Variants in TICRR observed in about 807,000 individuals in gnomAD.
The protein encoded by TICRR is treslin.
In TICRR, 132 loss-of-function variants were observed where a neutral mutation model predicts 178.1. The observed-to-expected ratio is 0.74, with a 90% CI of 0.64 to 0.86. The LOEUF (loss-of-function observed/expected upper bound fraction) is 0.86, where lower values mean the gene tolerates loss of function less well. Ranked by LOEUF, TICRR falls within the 40% of genes least tolerant of loss-of-function variation. TICRR has a pLI of 0.00. For missense variants in TICRR, 2,587 were observed against 2,334.3 expected (o/e 1.11, Z -2.23); for synonymous variants, 991 against 900.7 (o/e 1.10, Z -1.79).
In TICRR at chr15:89,601,333, G is replaced by A; in HGVS notation, c.2189G>A (p.Cys730Tyr). ...QLQVFLRLEM[C>Y]LQCPSINEST... Reference sequence around the variant, plus strand: ...CAGGTATTTCTTCGTTTGGAGATGTGTCTGCAATGCCCTTCAATAAATGAA... The same window carrying A: ...CAGGTATTTCTTCGTTTGGAGATGTATCTGCAATGCCCTTCAATAAATGAA... Residue 730 changes from cysteine (C) to tyrosine (Y), a missense_variant, in exon 10 of 22, where the codon TGT (cysteine) becomes TAT (tyrosine). Transcript: ENST00000268138. 1.2e-6 allele frequency: 2 copies of A among 1,614,144 alleles called. No homozygotes were observed. Among genetic ancestry groups the A allele is most frequent in the Non-Finnish European group, 1.7e-6 (2 of 1,180,030 alleles).
intron 16 of TICRR, among the ~76,000 whole-genome samples, chr15:89,617,307 G>A (rs2141977306): frequency 6.6e-6 from 1 of 152,186 alleles, no homozygotes; most frequent in African/African-American, 2.4e-5. Context: ...GAAATTGGTG[G>A]GTCAGAGGCA....
At chr15:89,589,170 G>T (rs1962869569) in intron 4 of TICRR, among the ~76,000 whole-genome samples, 2 of 152,190 alleles carry the variant, frequency 1.3e-5, no homozygotes, top group South Asian at 4.1e-4. Flanking sequence ...GACGGAAGGA[G>T]CAGTGAGGAG....
In TICRR at chr15:89,576,096, C is replaced by G; in HGVS notation, c.510C>G (p.Phe170Leu). The G allele has an allele frequency of 1.2e-6, 2 of 1,611,868 alleles. No homozygotes were observed. Among genetic ancestry groups the G allele is most frequent in the Non-Finnish European group, 1.7e-6 (2 of 1,179,934 alleles). Residue 170 changes from phenylalanine (F) to leucine (L), a missense_variant, in exon 1 of 22, where the codon TTC becomes TTG. Physicochemically the swap from Phe to Leu is conservative, Grantham distance 22 (BLOSUM62 0). Coordinates refer to ENST00000268138, the MANE Select transcript of TICRR (RefSeq NM_152259.4). ...ACTCGCAGAGGGAGCTGCTGCAGTT[C>G]GTGTCTGGGTGCGAGGCCCAGGCCC... ...CPHSQRELLQ[F>L]VSGCEAQAQR...
intron 13 of TICRR, among the ~76,000 whole-genome samples, chr15:89,605,351 T>G (rs372244616): frequency 3.2e-4 from 49 of 152,234 alleles, no homozygotes; most frequent in African/African-American, 9.9e-4. Context: ...GGATAGGAAA[T>G]TGGATGTATG....
chr15:89,622,944 T>C (rs149864536), intron 19 of TICRR, among the ~76,000 whole-genome samples: 10 of 152,284 alleles, frequency 6.6e-5, no homozygotes, highest in East Asian at 3.9e-4. Context: ...ACCAATCACA[T>C]TGTATTTTCA....
chr15:89,594,408 T>G lies in TICRR; in HGVS notation c.1542-7T>G, dbSNP rs1320911846. ...TTGGTTTTATTCTAGACATCTTGAC[T>G]TCACAGGTTACTACAGGCTGCCTCA... On this transcript the variant is annotated splice_polypyrimidine_tract_variant and splice_region_variant and intron_variant, in intron 5 of 21. Coordinates refer to ENST00000268138, the MANE Select transcript of TICRR (RefSeq NM_152259.4). 1.3e-6 allele frequency: 2 copies of G among 1,598,356 alleles called. No homozygotes were observed. Among genetic ancestry groups the G allele is most frequent in the Non-Finnish European group, 1.7e-6 (2 of 1,173,182 alleles).
intron 1 of TICRR, 63 bp from the exon 2 acceptor site, chr15:89,582,623 T>A: frequency 6.8e-7 from 1 of 1,475,388 alleles, no homozygotes; most frequent in South Asian, 1.3e-5. Context: ...CCTGATTTCC[T>A]TTACTTTTAT....
At chr15:89,581,335 A>C (rs746842651) in intron 1 of TICRR, among the ~76,000 whole-genome samples, 1 of 152,150 alleles carries the variant, frequency 6.6e-6, no homozygotes, top group African/African-American at 2.4e-5. Flanking sequence ...GCCACGTTAA[A>C]CATTTTATGT....
intron 21 of TICRR, among the ~76,000 whole-genome samples, chr15:89,626,384 A>G (rs1963526952): frequency 6.6e-6 from 1 of 152,220 alleles, no homozygotes; most frequent in African/African-American, 2.4e-5. Context: ...CACGAGTGAT[A>G]GGCCTGTTTA....
intron 19 of TICRR, among the ~76,000 whole-genome samples, chr15:89,621,996 T>TTTTC (rs1395151398): frequency 6.7e-6 from 1 of 148,472 alleles, no homozygotes; most frequent in East Asian, 1.9e-4. Flanking sequence ...TTTTTTTTTT[T>TTTTC]TTTTTTTGGA....
chr15:89,620,636 A>C (rs1963408004), intron 18 of TICRR, among the ~76,000 whole-genome samples: 1 of 129,104 alleles, frequency 7.7e-6, no homozygotes, highest in Non-Finnish European at 1.8e-5. Context: ...TGCTGACATA[A>C]ATAGGTGGGA....
intron 7 of TICRR, among the ~76,000 whole-genome samples, chr15:89,598,268 C>T (rs1024423119): frequency 9.2e-5 from 14 of 151,932 alleles, no homozygotes; most frequent in African/African-American, 2.7e-4. Flanking sequence ...CCACCACACC[C>T]GGCCCAGTTC....
Position 89,621,564 on chromosome 15 carries a change from G to A in TICRR, c.3312+14G>A, listed in dbSNP as rs1470117059. 1.3e-6 allele frequency: 2 copies of A among 1,599,658 alleles called. No homozygotes were observed. Among genetic ancestry groups the A allele is most frequent in the East Asian group, 2.2e-5 (1 of 44,784 alleles). On this transcript the variant is annotated intron_variant, in intron 19 of 21. Coordinates refer to ENST00000268138, the MANE Select transcript of TICRR (RefSeq NM_152259.4). ...GCAGCTTACCAGGTATAATGTTTCT[G>A]TAATGTTTGAAATAATATAATCTCC... is the stretch of plus-strand genomic sequence containing the variant.
intron 16 of TICRR, among the ~76,000 whole-genome samples, chr15:89,617,878 G>A (rs1963360783): frequency 6.6e-6 from 1 of 152,068 alleles, no homozygotes; most frequent in South Asian, 2.1e-4. Flanking sequence ...TTTTAATAGA[G>A]TCGGGGTTTC....
intron 15 of TICRR, among the ~76,000 whole-genome samples, chr15:89,609,469 G>T (rs1963225126): frequency 6.6e-6 from 1 of 151,080 alleles, no homozygotes; most frequent in African/African-American, 2.4e-5. Flanking sequence ...TTCTCTATTG[G>T]TTTTCTTTGT....
chr15:89,577,601 T>TC, intron 1 of TICRR, among the ~76,000 whole-genome samples: 1 of 84,952 alleles, frequency 1.2e-5, no homozygotes, highest in African/African-American at 7.1e-5. Context: ...GGGAAGGCCT[T>TC]TTTTTTTTTT....
At chr15:89,595,826 G>A (rs1437828471) in intron 7 of TICRR, among the ~76,000 whole-genome samples, 1 of 152,020 alleles carries the variant, frequency 6.6e-6, no homozygotes, top group Non-Finnish European at 1.5e-5. Flanking sequence ...TTGCACCACT[G>A]CACTCCAGCC....
intron 4 of TICRR, among the ~76,000 whole-genome samples, chr15:89,586,222 C>A (rs1010127407): frequency 1.3e-4 from 19 of 151,974 alleles, no homozygotes; most frequent in African/African-American, 4.6e-4. Flanking sequence ...TTCTGTCTAC[C>A]CTGCATTGCA....
At chr15:89,588,643 G>C (rs940747634) in intron 4 of TICRR, among the ~76,000 whole-genome samples, 1 of 152,150 alleles carries the variant, frequency 6.6e-6, no homozygotes, top group Non-Finnish European at 1.5e-5. Context: ...TGGTGACCAG[G>C]GGGAGAGAGT....
Sources: allele counts gnomAD v4.1 joint callset (sites outside exome capture counted in the v4.1 genomes callset), GRCh38; gene constraint gnomAD v4.1.1; transcripts MANE v1.5; gene names NCBI Gene and HGNC (gene_info 2026-07-23, HGNC 2026-07-21).